The following RASA3 variants were observed in gnomAD, a reference collection of about 807,000 sequenced individuals.
RASA3 encodes the protein ras GTPase-activating protein 3.
In RASA3, 73 loss-of-function variants were observed where a neutral mutation model predicts 110.0. The ratio of observed to expected loss-of-function variants is 0.66; its 90% CI spans 0.55 to 0.81. RASA3 has a LOEUF of 0.81. Ranked by LOEUF, RASA3 falls within the 30% of genes least tolerant of loss-of-function variation. The probability of loss-of-function intolerance (pLI) is 0.00; values close to 1 mark genes in which losing one functional copy is unlikely to be tolerated. For synonymous variants in RASA3, 500 were observed against 451.4 expected (o/e 1.11, Z -1.37); for missense variants, 976 against 1,113.2 (o/e 0.88, Z 1.75).
chr13:114,009,244 C>A (rs999739972), intron 17 of RASA3, 143 bp downstream of exon 17: 2 of 673,902 alleles, frequency 3.0e-6, no homozygotes, highest in East Asian at 2.6e-5. Flanking sequence ...GTCTGGACAG[C>A]GCTGTGAATG....
In RASA3 at chr13:114,011,413, G is replaced by A. The variant is rs1467239449; in HGVS notation, c.1513-165C>T. On this transcript the variant is annotated intron_variant, in intron 15 of 23. Transcript: ENST00000334062. The surrounding 1 kb of genome is among the most constrained non-coding windows in gnomAD (Gnocchi z 4.8). ...ACGCAGATGGGACTGGAGGGGGTGG[G>A]CGTCCCACAGTCTCAGGAGCTGCTG... is the stretch of plus-strand genomic sequence containing the variant. 6.6e-6 allele frequency among the ~76,000 whole-genome samples: 1 copy of A among 152,114 alleles called. No individual in the cohort carries two copies. The highest frequency in any genetic ancestry group is 1.5e-5 in the Non-Finnish European group (1 of 67,996).
intron 1 of RASA3, among the ~76,000 whole-genome samples, chr13:114,127,331 T>C (rs552238453): frequency 1.3e-5 from 2 of 152,220 alleles, no homozygotes. Flanking sequence ...CCTGGCTGAG[T>C]CCACCTGCCA....
rs2052946368 is a variant in RASA3, at chr13:113,981,937, G to GCC, written c.2246-81_2246-80dup. On this transcript the variant is annotated intron_variant, in intron 22 of 23. Transcript: ENST00000334062. ...TCTCCACACAGCTGCGTCGCTGCAG[G>GCC]CCCCACCCACAGTACACATCCTTCC... The GCC allele has an allele frequency of 2.9e-6, 4 of 1,390,972 alleles. No individual in the cohort carries two copies. In the South Asian group the frequency reaches 5.4e-5, roughly 19 times the overall value. The allele number at this position is 1,390,972 out of a possible 1,614,324, so 86.2% of individuals were successfully genotyped here.
chr13:114,099,395 T>C (rs1291793285), intron 1 of RASA3, among the ~76,000 whole-genome samples: 1 of 150,684 alleles, frequency 6.6e-6, no homozygotes, highest in Non-Finnish European at 1.5e-5. Context: ...GCGTGTCTTG[T>C]GGGTGGGTGC....
At chr13:114,012,721 T>C (rs368532702) in intron 15 of RASA3, among the ~76,000 whole-genome samples, 507 of 86,490 alleles carry the variant, frequency 5.9e-3, no homozygotes, top group Middle Eastern at 0.011. Flanking sequence ...ACACTCCCCA[T>C]TCCACACACA....
chr13:114,081,754 G>A (rs867861854), intron 1 of RASA3, among the ~76,000 whole-genome samples: 4 of 152,170 alleles, frequency 2.6e-5, no homozygotes, highest in African/African-American at 7.2e-5. Flanking sequence ...AGGGAATAAC[G>A]AGGAAAGAGA....
intron 16 of RASA3, among the ~76,000 whole-genome samples, chr13:114,010,587 G>T (rs976640591): frequency 1.3e-5 from 2 of 148,846 alleles, no homozygotes; most frequent in Admixed American, 1.3e-4. Flanking sequence ...TGGGAGGAGG[G>T]GGCCGCGTGG....
In RASA3 at chr13:114,024,150, T is replaced by C. The variant is rs2053983623; in HGVS notation, c.680+129A>G. ...TCAACTACAACTTCTAACATCCTGT[T>C]GTGAAAATTACCAAGAAAATGGAAA... is the stretch of plus-strand genomic sequence containing the variant. On this transcript the variant is annotated intron_variant, in intron 8 of 23. Transcript: ENST00000334062. The C allele has an allele frequency of 8.1e-6, 8 of 982,416 alleles. No homozygotes were observed. The East Asian group carries it at 2.0e-4, about 25-fold the overall frequency. The allele number at this position is 982,416 out of a possible 1,614,324, so 60.9% of individuals were successfully genotyped here. A position where few individuals can be genotyped will look rare whatever the true frequency, so the allele number is the denominator to read the frequency against.
intron 1 of RASA3, among the ~76,000 whole-genome samples, chr13:114,101,351 C>T (rs994188619): frequency 2.0e-5 from 3 of 152,200 alleles, no homozygotes; most frequent in Admixed American, 6.5e-5. Flanking sequence ...GCAGTGGCCC[C>T]AGCACCCCCT....
At chr13:114,002,781 C>T (rs61971832) in intron 18 of RASA3, among the ~76,000 whole-genome samples, 2,480 of 152,284 alleles carry the variant, frequency 0.016, 26 homozygotes, top group Middle Eastern at 0.041. Context: ...CTCCAGGAGT[C>T]GGTTTTCTAA....
chr13:114,056,507 G>A lies in RASA3; in HGVS notation c.174-4352C>T, dbSNP rs548139003. 2.1e-5 allele frequency: 21 copies of A among 985,300 alleles called. No individual in the cohort carries two copies. The highest frequency in any genetic ancestry group is 2.4e-5 in the Non-Finnish European group (20 of 829,924). 61.0% of individuals were successfully genotyped at this position (985,300 alleles called of 1,614,324 possible). Reference sequence around the variant, plus strand: ...AGTGCGGCGTCCCTGGGCGCTGCCCGGTAGCGGGGTGTTCAGTTGCTCTGC... The same window carrying A: ...AGTGCGGCGTCCCTGGGCGCTGCCCAGTAGCGGGGTGTTCAGTTGCTCTGC... On this transcript the variant is annotated intron_variant, in intron 2 of 23. Transcript: ENST00000334062. This position sits in a 1 kb window ranked among gnomAD's most constrained non-coding sequence, Gnocchi z 5.7.
At chr13:114,045,246 T>A (rs192834564) in intron 3 of RASA3, among the ~76,000 whole-genome samples, 114 of 152,312 alleles carry the variant, frequency 7.5e-4, no homozygotes, top group Admixed American at 1.8e-3. Context: ...CACAGGGTTG[T>A]CCCCATCTAT....
intron 4 of RASA3, among the ~76,000 whole-genome samples, chr13:114,033,021 G>C (rs1408911075): frequency 8.7e-5 from 5 of 57,206 alleles, no homozygotes; most frequent in South Asian, 7.8e-4. Flanking sequence ...CCCCACACTT[G>C]ATACCACGTT....
chr13:114,001,864 C>A (rs907159933), intron 18 of RASA3, among the ~76,000 whole-genome samples: 1 of 152,262 alleles, frequency 6.6e-6, no homozygotes, highest in Admixed American at 6.5e-5. Flanking sequence ...CCAGACCAAA[C>A]CTGCCCCCTC....
chr13:114,098,977 A>ACCCCTCCTTTTCTCAAGGT (rs2079984306), intron 1 of RASA3, among the ~76,000 whole-genome samples: 1 of 147,868 alleles, frequency 6.8e-6, no homozygotes. Flanking sequence ...CCCCCAGACC[A>ACCCCTCCTTTTCTCAAGGT]CAGCAGTCGG....
intron 2 of RASA3, among the ~76,000 whole-genome samples, chr13:114,053,362 G>A (rs905258404): frequency 6.6e-6 from 1 of 152,242 alleles, no homozygotes; most frequent in African/African-American, 2.4e-5. Flanking sequence ...GTCCTGGGCT[G>A]GCACAGGTGG....
At chr13:114,128,849 C>T (rs1370834623) in intron 1 of RASA3, among the ~76,000 whole-genome samples, 4 of 152,222 alleles carry the variant, frequency 2.6e-5, no homozygotes, top group Non-Finnish European at 4.4e-5. Flanking sequence ...ACGGCATTCC[C>T]GGACGCTGAC....
intron 22 of RASA3, among the ~76,000 whole-genome samples, chr13:113,983,115 A>G (rs984949512): frequency 1.4e-5 from 2 of 146,140 alleles, no homozygotes; most frequent in Non-Finnish European, 3.0e-5. Context: ...CAGAGCGGAA[A>G]AGGCATGGCT....
At chr13:114,109,928 C>T (rs796628251) in intron 1 of RASA3, among the ~76,000 whole-genome samples, 17 of 152,312 alleles carry the variant, frequency 1.1e-4, no homozygotes, top group African/African-American at 4.1e-4. Context: ...GGCGCAACTT[C>T]CCGGTGAACG....
Sources: gnomAD v4.1 joint callset for allele counts (sites outside exome capture counted in the v4.1 genomes callset) on GRCh38, gnomAD v4.1.1 for gene constraint, Gnocchi (gnomAD v3.1) non-coding constraint, MANE v1.5 for transcripts, NCBI Gene and HGNC (gene_info 2026-07-23, HGNC 2026-07-21) for gene names.